Variants in ARHGAP24 observed in about 807,000 individuals in gnomAD.
ARHGAP24 encodes the protein Rho GTPase activating protein 24, also known as rho GTPase-activating protein 24.
Under a neutral mutation model 76.4 loss-of-function variants are expected in ARHGAP24, and 50 were observed. That is an observed-to-expected ratio of 0.65 (90% CI 0.52 to 0.83). ARHGAP24 has a LOEUF of 0.83. Ranked by LOEUF, ARHGAP24 falls within the 40% of genes least tolerant of loss-of-function variation. The pLI, the probability that ARHGAP24 is intolerant of heterozygous loss-of-function variation, is 0.00. For synonymous variants in ARHGAP24, 345 were observed against 323.3 expected (o/e 1.07, Z -0.72); for missense variants, 930 against 914.2 (o/e 1.02, Z -0.22).
At chr4:85,921,891 AG>A (rs1028924707) in intron 3 of ARHGAP24, among the ~76,000 whole-genome samples, 1 of 152,116 alleles carries the variant, frequency 6.6e-6, no homozygotes, top group Admixed American at 6.5e-5. Flanking sequence ...AAGGTGGAAC[AG>A]TTCCATTCCG....
intron 3 of ARHGAP24, among the ~76,000 whole-genome samples, chr4:85,906,137 T>G (rs1734756469): frequency 6.6e-6 from 1 of 152,200 alleles, no homozygotes; most frequent in African/African-American, 2.4e-5. Context: ...TGGAAAATAG[T>G]GGAAACCTAT....
intron 3 of ARHGAP24, among the ~76,000 whole-genome samples, chr4:85,745,712 AT>A (rs1426391168): frequency 6.6e-6 from 1 of 152,204 alleles, no homozygotes; most frequent in Non-Finnish European, 1.5e-5. Context: ...CTTGTGAATA[AT>A]CTCATAATAA....
chr4:85,521,469 C>T (rs1433831804), intron 1 of ARHGAP24, among the ~76,000 whole-genome samples: 2 of 87,150 alleles, frequency 2.3e-5, no homozygotes, highest in Admixed American at 1.7e-4. Flanking sequence ...TCCATCCGGA[C>T]ATTGCCACAC....
At chr4:85,682,058 G>GT (rs1284019462) in intron 2 of ARHGAP24, among the ~76,000 whole-genome samples, 10 of 152,108 alleles carry the variant, frequency 6.6e-5, no homozygotes, top group African/African-American at 2.4e-4. Context: ...ATTTAAATCA[G>GT]TCCATCTAAC....
chr4:85,727,344 G>T (rs754069966), intron 3 of ARHGAP24, among the ~76,000 whole-genome samples: 6 of 151,980 alleles, frequency 3.9e-5, no homozygotes, highest in Admixed American at 1.3e-4. Flanking sequence ...GAGAATTTTG[G>T]CACTTGATAA....
chr4:85,875,949 G>A (rs775858940), intron 3 of ARHGAP24, among the ~76,000 whole-genome samples: 1 of 151,658 alleles, frequency 6.6e-6, no homozygotes, highest in Non-Finnish European at 1.5e-5. Context: ...CACTATGTTG[G>A]CCAGGCTGGT....
chr4:85,954,618 GT>G (rs1269600353), intron 5 of ARHGAP24, among the ~76,000 whole-genome samples: 8 of 152,250 alleles, frequency 5.3e-5, no homozygotes, highest in African/African-American at 1.9e-4. Context: ...ATCCTTGCTT[GT>G]TTTAATTTGT....
At chr4:85,644,320 T>C (rs1384134) in intron 2 of ARHGAP24, among the ~76,000 whole-genome samples, 40,029 of 152,046 alleles carry the variant, frequency 0.26, 7,434 homozygotes, top group East Asian at 0.84. Flanking sequence ...GAAAAGAACA[T>C]CACATTGGTT....
intron 2 of ARHGAP24, among the ~76,000 whole-genome samples, chr4:85,598,536 G>A (rs79647527): frequency 0.093 from 14,117 of 152,048 alleles, 913 homozygotes; most frequent in East Asian, 0.26. Context: ...TGATCATTGT[G>A]TGATGATTCC....
intron 1 of ARHGAP24, among the ~76,000 whole-genome samples, chr4:85,547,513 G>C (rs759391329): frequency 6.6e-6 from 1 of 151,966 alleles, no homozygotes; most frequent in African/African-American, 2.4e-5. Flanking sequence ...ACAGGTCACT[G>C]TAGTCTCGAC....
intron 1 of ARHGAP24, among the ~76,000 whole-genome samples, chr4:85,535,513 G>T (rs923482128): frequency 3.3e-5 from 5 of 152,188 alleles, no homozygotes; most frequent in Non-Finnish European, 5.9e-5. Context: ...GTCAATTCTG[G>T]TGATGAATAA....
chr4:85,976,395 GGA>G (rs1443382817), intron 7 of ARHGAP24, among the ~76,000 whole-genome samples: 1 of 152,066 alleles, frequency 6.6e-6, no homozygotes, highest in East Asian at 1.9e-4. Flanking sequence ...CTCTGTCTTT[GGA>G]GAAGATCCCC....
rs1368279102 is a variant in ARHGAP24 at position 85,520,667 on chromosome 4, G to T, written c.-21+45108G>T. On this transcript the variant is annotated intron_variant, in intron 1 of 9. Coordinates refer to ENST00000395184, the MANE Select transcript of ARHGAP24 (RefSeq NM_001025616.3). Reference sequence around the variant, plus strand: ...TAATTTATTGAACCATGTGTCAGCTGCCATCTCTGCAGGACCTGGTTGTAC... The same window carrying T: ...TAATTTATTGAACCATGTGTCAGCTTCCATCTCTGCAGGACCTGGTTGTAC... Among the ~76,000 whole-genome samples the T allele has an allele frequency of 5.9e-5, 9 of 152,300 alleles. No homozygotes were observed. In the South Asian group the frequency reaches 1.2e-3, roughly 21 times the overall value.
At chr4:85,773,668 C>T (rs1158284199) in intron 3 of ARHGAP24, among the ~76,000 whole-genome samples, 1 of 152,130 alleles carries the variant, frequency 6.6e-6, no homozygotes, top group Non-Finnish European at 1.5e-5. Flanking sequence ...TAGTCTTCTT[C>T]TTTGTACCCA....
chr4:85,669,355 G>C (rs1449929634), intron 2 of ARHGAP24, among the ~76,000 whole-genome samples: 1 of 152,002 alleles, frequency 6.6e-6, no homozygotes, highest in African/African-American at 2.4e-5. Context: ...CTGTGGCAGT[G>C]TGTTGTAGCA....
At chr4:85,982,353 G>A (rs1458213764) in intron 8 of ARHGAP24, among the ~76,000 whole-genome samples, 1 of 83,764 alleles carries the variant, frequency 1.2e-5, no homozygotes, top group Non-Finnish European at 2.5e-5. Context: ...TAAGGGATAG[G>A]TGCACAAGTA....
intron 3 of ARHGAP24, among the ~76,000 whole-genome samples, chr4:85,780,317 G>C (rs931719454): frequency 2.0e-5 from 3 of 152,018 alleles, no homozygotes; most frequent in Non-Finnish European, 4.4e-5. Context: ...GGGATTACAG[G>C]GGCCTGCCAC....
At chr4:85,636,127 G>A (rs939047328) in intron 2 of ARHGAP24, among the ~76,000 whole-genome samples, 5 of 150,768 alleles carry the variant, frequency 3.3e-5, no homozygotes, top group Non-Finnish European at 7.4e-5. Flanking sequence ...CCTGCCTCAT[G>A]TGATACGACT....
intron 2 of ARHGAP24, among the ~76,000 whole-genome samples, chr4:85,693,256 G>T (rs1163912811): frequency 1.3e-5 from 2 of 152,130 alleles, no homozygotes; most frequent in Non-Finnish European, 2.9e-5. Flanking sequence ...GGCCTTGGGG[G>T]AGCACCCTCC....
Sources: gnomAD v4.1 joint callset for allele counts (sites outside exome capture counted in the v4.1 genomes callset) on GRCh38, gnomAD v4.1.1 for gene constraint, MANE v1.5 for transcripts, NCBI Gene and HGNC (gene_info 2026-07-23, HGNC 2026-07-21) for gene names.